RORB: variants seen among roughly 807,000 people sequenced by gnomAD.
RORB encodes the protein nuclear receptor ROR-beta.
RORB carries 6 observed loss-of-function variants against 59.1 expected under a neutral mutation model. That is an observed-to-expected ratio of 0.10 (90% CI 0.06 to 0.20). The LOEUF (loss-of-function observed/expected upper bound fraction) is 0.20, where lower values mean the gene tolerates loss of function less well. Ranked by LOEUF, RORB falls within the 10% of genes least tolerant of loss-of-function variation. The pLI, the probability that RORB is intolerant of heterozygous loss-of-function variation, is 1.00. For synonymous variants in RORB, 215 were observed against 204.5 expected (o/e 1.05, Z -0.44); for missense variants, 320 against 560.5 (o/e 0.57, Z 4.33).
At chr9:74,676,535 G>A (rs1440887053) in intron 9 of RORB, among the ~76,000 whole-genome samples, 1 of 152,210 alleles carries the variant, frequency 6.6e-6, no homozygotes, top group Non-Finnish European at 1.5e-5. Flanking sequence ...CTGAAAACAT[G>A]TTCAAGTGCT....
chr9:74,573,821 G>A (rs1822589531), intron 1 of RORB, among the ~76,000 whole-genome samples: 1 of 152,102 alleles, frequency 6.6e-6, no homozygotes, highest in Admixed American at 6.6e-5. Context: ...GTCCTCAGGT[G>A]CTCTTGAAGC....
At chr9:74,655,798 T>C (rs986003854) in intron 4 of RORB, among the ~76,000 whole-genome samples, 2 of 152,190 alleles carry the variant, frequency 1.3e-5, no homozygotes, top group African/African-American at 4.8e-5. Context: ...CCTCCAGTCT[T>C]GCTCCCATGA....
intron 1 of RORB, among the ~76,000 whole-genome samples, chr9:74,547,879 C>T (rs1826525215): frequency 6.6e-6 from 1 of 152,166 alleles, no homozygotes; most frequent in Non-Finnish European, 1.5e-5. Context: ...TTTAAAAATC[C>T]TGGCTGCAGA....
At chr9:74,592,156 C>A (rs1019538943) in intron 1 of RORB, among the ~76,000 whole-genome samples, 1 of 152,134 alleles carries the variant, frequency 6.6e-6, no homozygotes, top group Non-Finnish European at 1.5e-5. Context: ...CTTCAGGATT[C>A]TCACATCCCT....
At chr9:74,682,668 A>G (rs1363252743) in intron 9 of RORB, among the ~76,000 whole-genome samples, 3 of 152,168 alleles carry the variant, frequency 2.0e-5, no homozygotes, top group Non-Finnish European at 4.4e-5. Flanking sequence ...TCCTCTCTAG[A>G]TGTGAGAACT....
At chr9:74,655,164 A>G (rs1327025320) in intron 4 of RORB, among the ~76,000 whole-genome samples, 1 of 152,324 alleles carries the variant, frequency 6.6e-6, no homozygotes, top group South Asian at 2.1e-4. Context: ...CACTGAACAC[A>G]TGTAGGGAAT....
chr9:74,670,857 C>T (rs1025601347), intron 8 of RORB, among the ~76,000 whole-genome samples: 4 of 152,124 alleles, frequency 2.6e-5, no homozygotes, highest in Non-Finnish European at 4.4e-5. Flanking sequence ...TAAGGTTTTG[C>T]TTAACTGTTG....
At chr9:74,536,869 T>G (rs1201585982) in intron 1 of RORB, among the ~76,000 whole-genome samples, 1 of 151,904 alleles carries the variant, frequency 6.6e-6, no homozygotes, top group East Asian at 1.9e-4. Context: ...AGAGAGAGAC[T>G]TTTTAAACTT....
chr9:74,682,815 C>T (rs769113825), intron 9 of RORB, among the ~76,000 whole-genome samples: 10 of 152,208 alleles, frequency 6.6e-5, no homozygotes, highest in African/African-American at 2.4e-4. Context: ...TGGTCTCAAA[C>T]TCCTGGCTTC....
At position 74,556,083 on chromosome 9, in the gene RORB, T is replaced by C. The variant is rs139164274; in HGVS notation, c.7+58100T>C. ...TATTGCAAATTGTTGACGTCGTTACTTTCTGCCTTTGTAATTTTGATGCTG... is the reference window on the plus strand; with the variant it reads ...TATTGCAAATTGTTGACGTCGTTACCTTCTGCCTTTGTAATTTTGATGCTG... On this transcript the variant is annotated intron_variant, in intron 1 of 9. Coordinates refer to ENST00000376896, the MANE Select transcript of RORB (RefSeq NM_006914.4). Among the ~76,000 whole-genome samples, 11 of 152,360 alleles carry C rather than the reference T, an allele frequency of 7.2e-5. No individual in the cohort carries two copies. The East Asian group carries it at 2.1e-3, about 29-fold the overall frequency.
intron 1 of RORB, among the ~76,000 whole-genome samples, chr9:74,557,832 T>C (rs997718613): frequency 2.6e-5 from 4 of 152,148 alleles, no homozygotes; most frequent in African/African-American, 9.7e-5. Context: ...TTTTTGGTTT[T>C]GCTTTTGATT....
chr9:74,628,103 C>T (rs575436782), intron 1 of RORB, among the ~76,000 whole-genome samples: 4 of 152,192 alleles, frequency 2.6e-5, no homozygotes, highest in East Asian at 1.9e-4. Flanking sequence ...TTATCTTGGC[C>T]GTGGCTCCAA....
At chr9:74,506,254 C>T (rs1357890508) in intron 1 of RORB, among the ~76,000 whole-genome samples, 2 of 152,036 alleles carry the variant, frequency 1.3e-5, no homozygotes, top group Non-Finnish European at 2.9e-5. Context: ...TCAAATTCTT[C>T]CATTCCACAT....
chr9:74,645,853 C>G (rs1288679025), intron 4 of RORB, among the ~76,000 whole-genome samples: 1 of 152,140 alleles, frequency 6.6e-6, no homozygotes, highest in Non-Finnish European at 1.5e-5. Flanking sequence ...AACCGTTATA[C>G]TGTATTTCCT....
intron 4 of RORB, among the ~76,000 whole-genome samples, chr9:74,652,849 TA>T: frequency 6.6e-6 from 1 of 152,242 alleles, no homozygotes; most frequent in African/African-American, 2.4e-5. Context: ...AATTTCTGCT[TA>T]AAAAAACTTG....
intron 1 of RORB, among the ~76,000 whole-genome samples, chr9:74,525,254 A>G (rs1292421998): frequency 2.0e-5 from 3 of 151,940 alleles, no homozygotes; most frequent in Admixed American, 6.6e-5. Context: ...TAAGAAAAAT[A>G]TAGAGGTTAT....
At chr9:74,650,360 G>T (rs1194353004) in intron 4 of RORB, among the ~76,000 whole-genome samples, 1 of 152,228 alleles carries the variant, frequency 6.6e-6, no homozygotes, top group Non-Finnish European at 1.5e-5. Flanking sequence ...ATTTTTGGAA[G>T]AGCTGGTAAG....
chr9:74,639,525 A>G (rs1050821491), intron 3 of RORB, among the ~76,000 whole-genome samples: 1 of 152,060 alleles, frequency 6.6e-6, no homozygotes. Flanking sequence ...AAAAAAAAAA[A>G]CACAAATTTA....
intron 1 of RORB, among the ~76,000 whole-genome samples, chr9:74,556,676 C>T (rs1822293845): frequency 6.6e-6 from 1 of 152,036 alleles, no homozygotes; most frequent in Non-Finnish European, 1.5e-5. Flanking sequence ...ATGGCAACAA[C>T]AACAAAAAAA....
Sources: allele counts gnomAD v4.1 joint callset (sites outside exome capture counted in the v4.1 genomes callset), GRCh38; gene constraint gnomAD v4.1.1; transcripts MANE v1.5; gene names NCBI Gene and HGNC (gene_info 2026-07-23, HGNC 2026-07-21).